Variants in MEG3 observed in about 807,000 individuals in gnomAD.
MEG3 encodes maternally expressed 3.
At chr14:100,859,451 A>G (rs2038339226) in exon 1 of MEG3, 1 of 152,162 alleles carries the variant, frequency 6.6e-6, no homozygotes, top group Non-Finnish European at 1.5e-5. Context: ...AGAATGTAGA[A>G]TACATTTGGC....
exon 1 of MEG3, chr14:100,835,009 C>A: frequency 2.8e-6 from 1 of 360,306 alleles, no homozygotes; most frequent in South Asian, 2.0e-5. Flanking sequence ...CCACCGTAGC[C>A]CATCCCTTGA....
At chr14:100,846,153 A>G (rs893664001) in intron 3 of MEG3, 7 of 152,230 alleles carry the variant, frequency 4.6e-5, no homozygotes, top group Non-Finnish European at 1.0e-4. Flanking sequence ...ATATTTTTAT[A>G]TTGCCACAGA....
chr14:100,850,036 C>T (rs1014341830), intron 3 of MEG3: 4 of 152,022 alleles, frequency 2.6e-5, no homozygotes. Flanking sequence ...AATACTTAAA[C>T]GTGAAAGGTG....
chr14:100,857,756 G>A (rs924756773), exon 1 of MEG3: 1 of 152,200 alleles, frequency 6.6e-6, no homozygotes, highest in Non-Finnish European at 1.5e-5. Flanking sequence ...CTGCCGTGAG[G>A]GGACGATCTG....
chr14:100,842,713 C>T (rs1254445639), intron 2 of MEG3, among the ~76,000 whole-genome samples: 1 of 152,228 alleles, frequency 6.6e-6, no homozygotes, highest in Non-Finnish European at 1.5e-5. Context: ...ATACCAAAGA[C>T]ATGCCAGATC....
chr14:100,854,510 C>T (rs905228938), upstream of MEG3: 1 of 152,282 alleles, frequency 6.6e-6, no homozygotes, highest in Non-Finnish European at 1.5e-5. Flanking sequence ...ATTTGCTTCT[C>T]CCTGGGAAGT....
intron 2 of MEG3, among the ~76,000 whole-genome samples, chr14:100,843,394 T>G (rs2037816523): frequency 6.6e-6 from 1 of 151,852 alleles, no homozygotes; most frequent in African/African-American, 2.4e-5. Context: ...ACGCACAGTC[T>G]CGGAGGGAGG....
exon 1 of MEG3, chr14:100,835,771 G>T: frequency 5.6e-6 from 1 of 177,302 alleles, no homozygotes; most frequent in Non-Finnish European, 1.2e-5. Flanking sequence ...CCCTGCTGGT[G>T]TCTCCATCTC....
At position 100,845,622 on chromosome 14, in the gene MEG3, G is replaced by T; in HGVS notation, n.3121+89G>T. On this transcript the variant is annotated intron_variant and non_coding_transcript_variant, in intron 3 of 3. Coordinates refer to the MEG3 transcript ENST00000398461. This position sits in a 1 kb window ranked among gnomAD's most constrained non-coding sequence, Gnocchi z 5.2. ...CGGAGCACACCGCCAGGCGGACCTC[G>T]TGGAGGGGCTGGCGGGCACTGGCCG... The T allele has an allele frequency of 2.5e-6, 1 of 406,988 alleles. No individual in the cohort carries two copies. The highest frequency in any genetic ancestry group is 1.8e-5 in the South Asian group (1 of 56,584). 25.2% of individuals were successfully genotyped at this position (406,988 alleles called of 1,614,324 possible).
At chr14:100,857,841 C>T (rs2038287365) in exon 1 of MEG3, 2 of 152,152 alleles carry the variant, frequency 1.3e-5, no homozygotes, top group Admixed American at 6.5e-5. Flanking sequence ...AGTGGGGTGA[C>T]CTAGAGAGAG....
chr14:100,838,638 A>T (rs1275060876), intron 2 of MEG3, among the ~76,000 whole-genome samples: 2 of 152,066 alleles, frequency 1.3e-5, no homozygotes, highest in African/African-American at 4.8e-5. Flanking sequence ...GAGGGCGGTG[A>T]GGGGTCTCTG....
chr14:100,849,611 G>A (rs1313907871), intron 3 of MEG3: 2 of 152,188 alleles, frequency 1.3e-5, no homozygotes, highest in South Asian at 4.1e-4. Context: ...CTAAATGAAA[G>A]CGAAAGGGAA....
chr14:100,860,558 C>T, intron 1 of MEG3: 1 of 432,788 alleles, frequency 2.3e-6, no homozygotes. Flanking sequence ...ACCCTCCATG[C>T]TGCTAGGAGC....
At chr14:100,844,896 G>C (rs1218631975) in intron 2 of MEG3, among the ~76,000 whole-genome samples, 1 of 152,252 alleles carries the variant, frequency 6.6e-6, no homozygotes, top group Non-Finnish European at 1.5e-5. Flanking sequence ...TGGCCATGGT[G>C]CTTCCCGGGG....
In MEG3 at chr14:100,837,260, G is replaced by A. The variant is rs938363035; in HGVS notation, n.3045+960G>A. ...CTCAGCTGAGGCCACTTTCCTTTCT[G>A]GGGGTCCCAGGGACTGAGTCTGTGG... On this transcript the variant is annotated intron_variant and non_coding_transcript_variant, in intron 2 of 3. Transcript: ENST00000398461. This position sits in a 1 kb window ranked among gnomAD's most constrained non-coding sequence, Gnocchi z 5.8. Among the ~76,000 whole-genome samples, 1 of 152,202 alleles carries A rather than the reference G, an allele frequency of 6.6e-6. No individual in the cohort carries two copies. Among genetic ancestry groups the A allele is most frequent in the African/African-American group, 2.4e-5 (1 of 41,462 alleles).
At chr14:100,838,346 T>C (rs553406212) in intron 2 of MEG3, among the ~76,000 whole-genome samples, 1 of 152,150 alleles carries the variant, frequency 6.6e-6, no homozygotes, top group Non-Finnish European at 1.5e-5. Flanking sequence ...AGTGTTTCGG[T>C]CTCAGGCAAA....
exon 2 of MEG3, chr14:100,860,818 T>C (rs1461999600): frequency 1.7e-5 from 7 of 409,450 alleles, no homozygotes; most frequent in Non-Finnish European, 3.4e-5. Flanking sequence ...TGACCTGGGG[T>C]CAGACCCGTG....
At chr14:100,851,371 C>T (rs913488988) in intron 3 of MEG3, 2 of 152,246 alleles carry the variant, frequency 1.3e-5, no homozygotes, top group Admixed American at 1.3e-4. Context: ...GAGCATGGGC[C>T]CCGCCTGCTG....
chr14:100,851,967 T>C (rs1328137937), intron 3 of MEG3: 1 of 193,122 alleles, frequency 5.2e-6, no homozygotes, highest in Non-Finnish European at 1.1e-5. Flanking sequence ...GTCTCCCTTG[T>C]TGACCTCTCA....
Sources: gnomAD v4.1 joint callset for allele counts (sites outside exome capture counted in the v4.1 genomes callset) on GRCh38, gnomAD v4.1.1 for gene constraint, Gnocchi (gnomAD v3.1) non-coding constraint, MANE v1.5 for transcripts, NCBI Gene and HGNC (gene_info 2026-07-23, HGNC 2026-07-21) for gene names.